Variants in MACC1 observed in about 807,000 individuals in gnomAD.
MACC1 encodes the protein metastasis-associated in colon cancer protein 1.
MACC1 carries 79 observed loss-of-function variants against 70.7 expected under a neutral mutation model. That is an observed-to-expected ratio of 1.12 (90% CI 0.93 to 1.35). MACC1 has a LOEUF of 1.35. MACC1 is among the 40% of genes most tolerant of loss of function. The probability of loss-of-function intolerance (pLI) is 0.00; values close to 1 mark genes in which losing one functional copy is unlikely to be tolerated. For missense variants in MACC1, 1,106 were observed against 978.1 expected (o/e 1.13, Z -1.74); for synonymous variants, 361 against 347.2 (o/e 1.04, Z -0.44).
intron 1 of MACC1, among the ~76,000 whole-genome samples, chr7:20,191,951 G>A (rs910076166): frequency 3.9e-5 from 6 of 152,044 alleles, no homozygotes; most frequent in East Asian, 1.9e-4. Flanking sequence ...TTTGATATCC[G>A]TTTTTTATCA....
At chr7:20,144,117 A>G (rs767082995) in intron 6 of MACC1, among the ~76,000 whole-genome samples, 3 of 152,252 alleles carry the variant, frequency 2.0e-5, no homozygotes, top group Non-Finnish European at 2.9e-5. Flanking sequence ...TAGCATAAAT[A>G]CAATGAAAAT....
rs1416716972 is a variant in MACC1, at chr7:20,135,117, A to C, written c.*5829T>G. ...CAAGAAATTCAACAAATAACACACT[A>C]GGGAAAACAAGGCTTTTTCCGAAGA... is the stretch of plus-strand genomic sequence containing the variant. On this transcript the variant is annotated 3_prime_UTR_variant, in exon 7 of 7. Transcript: ENST00000400331. 2 of 152,228 alleles carry C rather than the reference A, an allele frequency of 1.3e-5. No individual in the cohort carries two copies. Among genetic ancestry groups the C allele is most frequent in the Admixed American group, 6.5e-5 (1 of 15,284 alleles). The allele number at this position is 152,228 out of a possible 1,614,324, so 9.4% of individuals were successfully genotyped here. A position where few individuals can be genotyped will look rare whatever the true frequency, so the allele number is the denominator to read the frequency against.
intron 6 of MACC1, among the ~76,000 whole-genome samples, chr7:20,151,054 GAAAAA>G (rs58699284): frequency 1.0e-5 from 1 of 99,466 alleles, no homozygotes; most frequent in African/African-American, 3.7e-5. Flanking sequence ...TCTCAAAGGA[GAAAAA>G]AAAAAAAAAA....
intron 1 of MACC1, among the ~76,000 whole-genome samples, chr7:20,174,785 C>A (rs1244723919): frequency 6.6e-6 from 1 of 152,062 alleles, no homozygotes; most frequent in Non-Finnish European, 1.5e-5. Flanking sequence ...TTCACGGTAT[C>A]AACATTAATT....
At chr7:20,163,976 G>A (rs534659385) in intron 3 of MACC1, among the ~76,000 whole-genome samples, 6 of 152,140 alleles carry the variant, frequency 3.9e-5, no homozygotes, top group Non-Finnish European at 7.4e-5. Flanking sequence ...TCGCTATATC[G>A]CCCAGGCTGG....
chr7:20,194,927 C>T (rs1013871785), intron 1 of MACC1, among the ~76,000 whole-genome samples: 4 of 152,234 alleles, frequency 2.6e-5, no homozygotes, highest in East Asian at 1.9e-4. Flanking sequence ...AATTTTTTCT[C>T]GTCATAAAGA....
At chr7:20,215,874 T>A (rs1321796272) in intron 1 of MACC1, among the ~76,000 whole-genome samples, 1 of 152,220 alleles carries the variant, frequency 6.6e-6, no homozygotes, top group East Asian at 1.9e-4. Context: ...ATATTCTATT[T>A]GTAAATTAGC....
chr7:20,182,306 C>T lies in MACC1; in HGVS notation c.-217-11528G>A, dbSNP rs562166925. On this transcript the variant is annotated intron_variant, in intron 1 of 6. Coordinates refer to ENST00000400331, the MANE Select transcript of MACC1 (RefSeq NM_182762.4). ...TGTATACATATGTAACAAACCTGCACGTTGTGCACATGTACCCTAAAACTT... is the reference window on the plus strand; with the variant it reads ...TGTATACATATGTAACAAACCTGCATGTTGTGCACATGTACCCTAAAACTT... 3.3e-5 allele frequency among the ~76,000 whole-genome samples: 5 copies of T among 151,960 alleles called. No homozygotes were observed. The East Asian group carries it at 9.7e-4, about 29-fold the overall frequency.
chr7:20,140,681 A>G lies in MACC1; in HGVS notation c.*265T>C, dbSNP rs1781783344. 5.8e-6 allele frequency: 2 copies of G among 347,130 alleles called. No individual in the cohort carries two copies. The highest frequency in any genetic ancestry group is 9.4e-5 in the Admixed American group (2 of 21,344). The allele number at this position is 347,130 out of a possible 1,614,324, so 21.5% of individuals were successfully genotyped here. A position where few individuals can be genotyped will look rare whatever the true frequency, so the allele number is the denominator to read the frequency against. On this transcript the variant is annotated 3_prime_UTR_variant, in exon 7 of 7. Coordinates refer to ENST00000400331, the MANE Select transcript of MACC1 (RefSeq NM_182762.4). Reference sequence around the variant, plus strand: ...TTGTATTTGAAACATACACAAAAATACATATTTGAGGATAAAACCCATCTT... The same window carrying G: ...TTGTATTTGAAACATACACAAAAATGCATATTTGAGGATAAAACCCATCTT...
rs1361747838 is a variant in MACC1 at position 20,136,923 on chromosome 7, A to G, written c.*4023T>C. On this transcript the variant is annotated 3_prime_UTR_variant, in exon 7 of 7. Coordinates refer to ENST00000400331, the MANE Select transcript of MACC1 (RefSeq NM_182762.4). ...TATTAATTCTTAAAGATTATTAATTATAATATTAAATTATAATTATTAATT... is the reference window on the plus strand; with the variant it reads ...TATTAATTCTTAAAGATTATTAATTGTAATATTAAATTATAATTATTAATT... The G allele has an allele frequency of 6.8e-6, 1 of 147,986 alleles. No homozygotes were observed. The highest frequency in any genetic ancestry group is 1.5e-5 in the Non-Finnish European group (1 of 67,110). 9.2% of individuals were successfully genotyped at this position (147,986 alleles called of 1,614,324 possible).
In MACC1 at chr7:20,135,467, C is replaced by A. The variant is rs1781707172; in HGVS notation, c.*5479G>T. 1.3e-5 allele frequency: 2 copies of A among 152,176 alleles called. No homozygotes were observed. Among genetic ancestry groups the A allele is most frequent in the African/African-American group, 4.8e-5 (2 of 41,452 alleles). The allele number at this position is 152,176 out of a possible 1,614,324, so 9.4% of individuals were successfully genotyped here. On this transcript the variant is annotated 3_prime_UTR_variant, in exon 7 of 7. Transcript: ENST00000400331. ...GCAAATTAGAGGACTTATAAAAAAT[C>A]TTTCCATTTCTATAGAGATGAAGGA...
rs376026113 is a variant in MACC1 at position 20,158,637 on chromosome 7, C to A, written c.1724G>T (p.Gly575Val). Residue 575 changes from glycine to valine, a missense_variant, in exon 5 of 7, where the codon GGG (glycine) becomes GTG (valine). Coordinates refer to ENST00000400331, the MANE Select transcript of MACC1 (RefSeq NM_182762.4). Reference protein sequence around the residue: ...KIDYFLEYFKGDTIALLGEGK... With the variant: ...KIDYFLEYFKVDTIALLGEGK... ...TTCCCCGAGGAGAGCTATTGTGTCC[C>A]CTTTGAAATATTCAAGGAAGTAATC... 1 of 1,614,004 alleles carries A rather than the reference C, an allele frequency of 6.2e-7. No individual in the cohort carries two copies. Among genetic ancestry groups the A allele is most frequent in the Non-Finnish European group, 8.5e-7 (1 of 1,179,968 alleles).
chr7:20,165,352 C>A (rs1234088741), intron 2 of MACC1, among the ~76,000 whole-genome samples: 1 of 152,120 alleles, frequency 6.6e-6, no homozygotes, highest in Non-Finnish European at 1.5e-5. Flanking sequence ...TGCTGAGAAC[C>A]ACATTCTGAA....
chr7:20,157,945 T>A (rs1344548909), intron 5 of MACC1, among the ~76,000 whole-genome samples: 1 of 152,176 alleles, frequency 6.6e-6, no homozygotes, highest in African/African-American at 2.4e-5. Flanking sequence ...TCTGAACTGT[T>A]AAGCCCAGCA....
intron 3 of MACC1, 47 bp from the exon 4 acceptor site, chr7:20,161,917 G>C (rs1782144613): frequency 8.9e-7 from 1 of 1,122,084 alleles, no homozygotes; most frequent in Non-Finnish European, 1.4e-6. Context: ...ACATATACAG[G>C]CTGGCAGAGA....
rs55989776 is a variant in MACC1 at position 20,140,884 on chromosome 7, G to GACACAC, written c.*56_*61dup. On this transcript the variant is annotated 3_prime_UTR_variant, in exon 7 of 7. Transcript: ENST00000400331. ...ACAGAGACACACACAGACACACACA[G>GACACAC]ACACACACACACACACACCATTACC... 7.1e-5 allele frequency: 70 copies of GACACAC among 985,076 alleles called. No homozygotes were observed. Among genetic ancestry groups the GACACAC allele is most frequent in the South Asian group, 6.9e-4 (41 of 59,406 alleles). The allele number at this position is 985,076 out of a possible 1,614,324, so 61.0% of individuals were successfully genotyped here. A position where few individuals can be genotyped will look rare whatever the true frequency, so the allele number is the denominator to read the frequency against.
intron 1 of MACC1, among the ~76,000 whole-genome samples, chr7:20,182,983 C>T (rs1045052999): frequency 5.3e-5 from 8 of 152,120 alleles, no homozygotes; most frequent in South Asian, 2.1e-4. Context: ...TTGAATTTGA[C>T]GAGTGGGGTA....
chr7:20,193,556 T>C (rs1782703673), intron 1 of MACC1, among the ~76,000 whole-genome samples: 1 of 152,184 alleles, frequency 6.6e-6, no homozygotes, highest in African/African-American at 2.4e-5. Context: ...TTATAGACAA[T>C]GGTAAGTGAT....
At chr7:20,166,016 C>T (rs902369259) in intron 2 of MACC1, among the ~76,000 whole-genome samples, 3 of 152,062 alleles carry the variant, frequency 2.0e-5, no homozygotes, top group African/African-American at 7.2e-5. Flanking sequence ...AATAAGTAAC[C>T]AAGAAAACAA....
Sources: allele counts gnomAD v4.1 joint callset (sites outside exome capture counted in the v4.1 genomes callset), GRCh38; gene constraint gnomAD v4.1.1; transcripts MANE v1.5; gene names NCBI Gene and HGNC (gene_info 2026-07-23, HGNC 2026-07-21).